The following GRIA2 variants were observed in gnomAD, a reference collection of about 807,000 sequenced individuals.
GRIA2 encodes glutamate receptor 2.
In GRIA2, 14 loss-of-function variants were observed where a neutral mutation model predicts 97.3. The observed-to-expected ratio is 0.14, with a 90% confidence interval of 0.10 to 0.23. GRIA2 has a LOEUF of 0.23. Among genes scored for constraint, GRIA2 ranks in the 10% least tolerant of loss-of-function variants. The probability of loss-of-function intolerance (pLI) is 1.00; values close to 1 mark genes in which losing one functional copy is unlikely to be tolerated. For synonymous variants in GRIA2, 412 were observed against 387.8 expected (o/e 1.06, Z -0.73); for missense variants, 558 against 1,069.8 (o/e 0.52, Z 6.67).
chr4:157,335,533 T>C, intron 9 of GRIA2, 138 bp from the exon 10 acceptor site: 1 of 629,128 alleles, frequency 1.6e-6, no homozygotes, highest in African/African-American at 1.8e-5. Flanking sequence ...ATTATTCCTC[T>C]ACTGTTGTGT....
chr4:157,303,438 T>C, intron 2 of GRIA2, 114 bp from the exon 3 acceptor site: 1 of 797,324 alleles, frequency 1.3e-6, no homozygotes, highest in Non-Finnish European at 2.0e-6. Flanking sequence ...TCTATATTTC[T>C]TTCAATATGT....
At chr4:157,325,268 C>A (rs1734753632) in intron 6 of GRIA2, among the ~76,000 whole-genome samples, 1 of 151,956 alleles carries the variant, frequency 6.6e-6, no homozygotes, top group African/African-American at 2.4e-5. Flanking sequence ...ATTTTAATAA[C>A]CACCAAATAT....
intron 12 of GRIA2, 125 bp downstream of exon 12, chr4:157,341,587 T>C (rs62331555): frequency 0.091 from 60,683 of 669,078 alleles, 3,177 homozygotes; most frequent in South Asian, 0.11. Context: ...ATTTCTTTTC[T>C]TGACTTTGTC....
At chr4:157,229,922 G>T (rs1729923788) in intron 2 of GRIA2, among the ~76,000 whole-genome samples, 1 of 152,102 alleles carries the variant, frequency 6.6e-6, no homozygotes, top group South Asian at 2.1e-4. Context: ...AATATTTTTA[G>T]TCTAATCTTC....
intron 2 of GRIA2, among the ~76,000 whole-genome samples, chr4:157,286,828 C>T (rs920117397): frequency 1.3e-5 from 2 of 151,584 alleles, no homozygotes; most frequent in Non-Finnish European, 3.0e-5. Context: ...GTCAACACAT[C>T]TGCTGTCATT....
chr4:157,223,435 C>A (rs1023164949), intron 2 of GRIA2, among the ~76,000 whole-genome samples: 2 of 152,120 alleles, frequency 1.3e-5, no homozygotes, highest in African/African-American at 4.8e-5. Flanking sequence ...GGATTTGCAG[C>A]TTTGAAAAAC....
intron 6 of GRIA2, among the ~76,000 whole-genome samples, chr4:157,330,083 G>C (rs1409462196): frequency 1.3e-5 from 2 of 151,888 alleles, no homozygotes; most frequent in Non-Finnish European, 2.9e-5. Flanking sequence ...GTCACAAAGA[G>C]AACAAGGTAA....
At chr4:157,306,919 A>C (rs1437989142) in intron 3 of GRIA2, among the ~76,000 whole-genome samples, 2 of 152,166 alleles carry the variant, frequency 1.3e-5, no homozygotes, top group East Asian at 3.9e-4. Flanking sequence ...CTTTGTCCAC[A>C]TTAACCACAG....
At chr4:157,358,896 AAAAC>A (rs773528904) in intron 12 of GRIA2, among the ~76,000 whole-genome samples, 12 of 152,200 alleles carry the variant, frequency 7.9e-5, no homozygotes, top group South Asian at 4.1e-4. Context: ...CTTAGAATAA[AAAAC>A]AAACAAACCC....
intron 2 of GRIA2, among the ~76,000 whole-genome samples, chr4:157,300,679 AAG>A (rs1223400610): frequency 1.3e-5 from 2 of 152,180 alleles, no homozygotes; most frequent in Non-Finnish European, 1.5e-5. Context: ...AGGGAGACCA[AAG>A]AGAGTCAGGA....
Position 157,312,983 on chromosome 4 carries a change from A to G in GRIA2, c.666+108A>G, listed in dbSNP as rs549006756. 22 of 592,240 alleles carry G rather than the reference A, an allele frequency of 3.7e-5. No homozygotes were observed. The South Asian group carries it at 7.0e-4, about 19-fold the overall frequency. The allele number at this position is 592,240 out of a possible 1,614,324, so 36.7% of individuals were successfully genotyped here. A position where few individuals can be genotyped will look rare whatever the true frequency, so the allele number is the denominator to read the frequency against. ...GTGCTTGAACAGCAGTTTTTGCTTT[A>G]TGTTTTATGTCGGATGCAGCAAAGA... On this transcript the variant is annotated intron_variant, in intron 4 of 15. Coordinates refer to ENST00000264426, the MANE Select transcript of GRIA2 (RefSeq NM_001083619.3).
intron 2 of GRIA2, among the ~76,000 whole-genome samples, chr4:157,240,332 A>T (rs1730448109): frequency 6.6e-6 from 1 of 152,102 alleles, no homozygotes; most frequent in African/African-American, 2.4e-5. Flanking sequence ...TTTTTCTTCA[A>T]TATCAATTAT....
intron 2 of GRIA2, among the ~76,000 whole-genome samples, chr4:157,249,148 A>C (rs1730913539): frequency 6.6e-6 from 1 of 152,106 alleles, no homozygotes. Context: ...AAATATTTTC[A>C]ATACCTCAAA....
Position 157,363,539 on chromosome 4 carries a change from T to G in GRIA2, c.*108T>G. The G allele has an allele frequency of 8.1e-7, 1 of 1,237,394 alleles. No individual in the cohort carries two copies. Among genetic ancestry groups the G allele is most frequent in the Non-Finnish European group, 1.0e-6 (1 of 989,646 alleles). 76.7% of individuals were successfully genotyped at this position (1,237,394 alleles called of 1,614,324 possible). A position where few individuals can be genotyped will look rare whatever the true frequency, so the allele number is the denominator to read the frequency against. Reference sequence around the variant, plus strand: ...CTCCAGAATTTCCCAAAGCAGTGCATGCTGTCCCTTACGTGAGTCCTGGCA... The same window carrying G: ...CTCCAGAATTTCCCAAAGCAGTGCAGGCTGTCCCTTACGTGAGTCCTGGCA... On this transcript the variant is annotated 3_prime_UTR_variant, in exon 16 of 16. Transcript: ENST00000264426.
chr4:157,286,275 T>A (rs1215157381), intron 2 of GRIA2, among the ~76,000 whole-genome samples: 1 of 151,520 alleles, frequency 6.6e-6, no homozygotes, highest in Non-Finnish European at 1.5e-5. Flanking sequence ...CACAATATGA[T>A]GTTTGGAAAA....
intron 6 of GRIA2, among the ~76,000 whole-genome samples, chr4:157,328,492 T>TA (rs1390027477): frequency 4.6e-5 from 7 of 151,972 alleles, no homozygotes; most frequent in Non-Finnish European, 1.0e-4. Flanking sequence ...TCATAGATCA[T>TA]AAAAAATAAA....
intron 12 of GRIA2, among the ~76,000 whole-genome samples, chr4:157,356,005 ATG>A (rs1195362806): frequency 4.4e-5 from 4 of 91,580 alleles, no homozygotes; most frequent in East Asian, 5.4e-4. Context: ...ATATTTATAT[ATG>A]TATTTATATA....
chr4:157,340,140 A>C (rs887635760), intron 11 of GRIA2, among the ~76,000 whole-genome samples: 3 of 151,816 alleles, frequency 2.0e-5, no homozygotes, highest in Non-Finnish European at 2.9e-5. Flanking sequence ...TTGATCTAGA[A>C]TATGTTTCAT....
intron 3 of GRIA2, among the ~76,000 whole-genome samples, chr4:157,306,662 A>T (rs1457179520): frequency 6.6e-6 from 1 of 152,198 alleles, no homozygotes; most frequent in Non-Finnish European, 1.5e-5. Flanking sequence ...TAATACTGGC[A>T]AAAGACTTGA....
Sources: allele counts gnomAD v4.1 joint callset (sites outside exome capture counted in the v4.1 genomes callset), GRCh38; gene constraint gnomAD v4.1.1; transcripts MANE v1.5; gene names NCBI Gene and HGNC (gene_info 2026-07-23, HGNC 2026-07-21).